Variants in ZNF407 observed in about 807,000 individuals in gnomAD.
ZNF407 encodes the protein zinc finger protein 407.
In ZNF407, 17 loss-of-function variants were observed where a neutral mutation model predicts 131.2. The observed-to-expected ratio is 0.13, with a 90% CI of 0.09 to 0.19. ZNF407 has a LOEUF of 0.19. ZNF407 is among the 10% of genes least tolerant of loss of function. ZNF407 has a pLI of 1.00. For missense variants in ZNF407, 2,681 were observed against 2,830.6 expected (o/e 0.95, Z 1.20); for synonymous variants, 1,156 against 1,062.0 (o/e 1.09, Z -1.72).
chr18:74,968,949 T>G (rs1972440533), intron 8 of ZNF407, among the ~76,000 whole-genome samples: 1 of 152,178 alleles, frequency 6.6e-6, no homozygotes. Flanking sequence ...GCTCTGTGCA[T>G]TTTGTTCCAG....
chr18:74,765,125 G>T (rs1969199836), intron 3 of ZNF407, among the ~76,000 whole-genome samples: 3 of 152,126 alleles, frequency 2.0e-5, no homozygotes, highest in South Asian at 2.1e-4. Flanking sequence ...ATGGAGTTTG[G>T]TATCTGCAGA....
At position 74,977,653 on chromosome 18, in the gene ZNF407, C is replaced by T. The variant is rs7241713; in HGVS notation, c.5428+56961C>T. 9.4e-3 allele frequency among the ~76,000 whole-genome samples: 1,428 copies of T among 152,314 alleles called. 17 individuals carry two copies. Among genetic ancestry groups the T allele is most frequent in the African/African-American group, 0.03 (1,262 of 41,560 alleles). On this transcript the variant is annotated intron_variant, in intron 8 of 8. Transcript: ENST00000299687. ...TTGGCAGGCTCCACAGAAGGTGAGG[C>T]AGTAGAGGGAGCAGTGCCTGTTGAT...
chr18:74,760,389 CTGTGCATG>C (rs1192841804), intron 3 of ZNF407, among the ~76,000 whole-genome samples: 1 of 152,144 alleles, frequency 6.6e-6, no homozygotes, highest in Non-Finnish European at 1.5e-5. Context: ...TCACACAGCC[CTGTGCATG>C]TGTGTTTGCT....
chr18:74,883,700 C>T (rs1172854148), intron 6 of ZNF407, among the ~76,000 whole-genome samples: 2 of 152,224 alleles, frequency 1.3e-5, no homozygotes. Flanking sequence ...GAGACGCGGT[C>T]AGCCCGTCTG....
At chr18:74,752,248 A>C (rs1398832030) in intron 3 of ZNF407, among the ~76,000 whole-genome samples, 1 of 151,988 alleles carries the variant, frequency 6.6e-6, no homozygotes, top group Non-Finnish European at 1.5e-5. Context: ...AAATTTGTTT[A>C]AGTTCTTTGT....
At chr18:74,735,959 T>C (rs1251661964) in intron 3 of ZNF407, among the ~76,000 whole-genome samples, 1 of 152,192 alleles carries the variant, frequency 6.6e-6, no homozygotes, top group Non-Finnish European at 1.5e-5. Flanking sequence ...TTACACAGTC[T>C]TTGGCTAGTT....
At chr18:74,912,833 A>G (rs1971693147) in intron 7 of ZNF407, among the ~76,000 whole-genome samples, 1 of 152,240 alleles carries the variant, frequency 6.6e-6, no homozygotes, top group African/African-American at 2.4e-5. Flanking sequence ...CTAAAGAGCC[A>G]GTCTCCTTAA....
At chr18:74,765,911 G>T (rs922241901) in intron 3 of ZNF407, among the ~76,000 whole-genome samples, 58 of 152,064 alleles carry the variant, frequency 3.8e-4, no homozygotes, top group African/African-American at 1.2e-3. Flanking sequence ...TAATCAATGG[G>T]AAGGATAAAA....
chr18:74,889,523 A>T (rs1360954698), intron 6 of ZNF407, among the ~76,000 whole-genome samples: 2 of 152,132 alleles, frequency 1.3e-5, no homozygotes, highest in Non-Finnish European at 2.9e-5. Flanking sequence ...GTTTTAAATT[A>T]TATATTCACA....
chr18:74,841,054 GTC>G (rs1465117561), intron 4 of ZNF407, among the ~76,000 whole-genome samples: 1 of 152,222 alleles, frequency 6.6e-6, no homozygotes, highest in Admixed American at 6.5e-5. Context: ...TTCACCTGCT[GTC>G]TCTCTCCTGC....
At chr18:74,729,355 C>G (rs1029441564) in intron 3 of ZNF407, among the ~76,000 whole-genome samples, 1 of 152,242 alleles carries the variant, frequency 6.6e-6, no homozygotes, top group East Asian at 1.9e-4. Flanking sequence ...CTTAGTCACT[C>G]TTGTAGTTAG....
chr18:74,785,840 G>A (rs952538213), intron 4 of ZNF407, among the ~76,000 whole-genome samples: 4 of 150,826 alleles, frequency 2.7e-5, no homozygotes, highest in South Asian at 2.1e-4. Context: ...CACTCACATG[G>A]CATGCACATG....
intron 4 of ZNF407, among the ~76,000 whole-genome samples, 186 bp downstream of exon 4, chr18:74,781,688 A>C (rs1282012155): frequency 6.6e-6 from 1 of 152,140 alleles, no homozygotes; most frequent in Non-Finnish European, 1.5e-5. Flanking sequence ...TTTTAATTAA[A>C]ACTTGAGTCT....
chr18:75,020,539 C>G (rs183607147), intron 8 of ZNF407, among the ~76,000 whole-genome samples: 1 of 152,172 alleles, frequency 6.6e-6, no homozygotes, highest in Admixed American at 6.5e-5. Context: ...TTCTTCTATG[C>G]CTAGAAGATT....
chr18:75,063,917 A>G lies in ZNF407; in HGVS notation c.6196A>G (p.Met2066Val). The change falls in exon 9 of 9, where the codon ATG (methionine) becomes GTG (valine). Residue 2066 changes from methionine (M) to valine (V), a missense_variant. Coordinates refer to ENST00000299687, the MANE Select transcript of ZNF407 (RefSeq NM_017757.3). The surrounding 1 kb of genome is among the most constrained non-coding windows in gnomAD (Gnocchi z 6.6). ...CCAGGTGGTCCATCCCTCAGCAGCCATGGCCTCTCAGGAGCGGGCACAGGT... is the reference window on the plus strand; with the variant it reads ...CCAGGTGGTCCATCCCTCAGCAGCCGTGGCCTCTCAGGAGCGGGCACAGGT... ...LTQVVHPSAAMASQERAQVAF... is the reference protein window; with the variant it reads ...LTQVVHPSAAVASQERAQVAF... The G allele has an allele frequency of 1.9e-6, 3 of 1,613,588 alleles. No individual in the cohort carries two copies. The highest frequency in any genetic ancestry group is 1.1e-5 in the South Asian group (1 of 91,042).
intron 7 of ZNF407, among the ~76,000 whole-genome samples, chr18:74,912,815 C>T (rs765712042): frequency 2.0e-5 from 3 of 152,142 alleles, no homozygotes; most frequent in Admixed American, 6.5e-5. Context: ...AAGTCTGCAA[C>T]TTCTGTCCTA....
chr18:74,646,083 C>A (rs1984961173), intron 3 of ZNF407, among the ~76,000 whole-genome samples: 1 of 152,042 alleles, frequency 6.6e-6, no homozygotes, highest in Admixed American at 6.6e-5. Context: ...ACACAAGTGG[C>A]AAAAATTAGT....
At chr18:74,661,930 G>A (rs1985732410) in intron 3 of ZNF407, among the ~76,000 whole-genome samples, 1 of 152,110 alleles carries the variant, frequency 6.6e-6, no homozygotes, top group Non-Finnish European at 1.5e-5. Flanking sequence ...TTCTTGATGG[G>A]CCCTGCCTCT....
intron 3 of ZNF407, among the ~76,000 whole-genome samples, chr18:74,668,120 A>T (rs1041317164): frequency 1.3e-4 from 20 of 152,094 alleles, no homozygotes; most frequent in Non-Finnish European, 2.8e-4. Context: ...AAGGTTTCTG[A>T]GTGCCAATAT....
Sources: allele counts gnomAD v4.1 joint callset (sites outside exome capture counted in the v4.1 genomes callset), GRCh38; gene constraint gnomAD v4.1.1; non-coding constraint Gnocchi (gnomAD v3.1); transcripts MANE v1.5; gene names NCBI Gene and HGNC (gene_info 2026-07-23, HGNC 2026-07-21).